HOMER1: variants seen among roughly 807,000 people sequenced by gnomAD.
HOMER1 encodes homer scaffold protein 1.
HOMER1 carries 3 observed loss-of-function variants against 48.9 expected under a neutral mutation model. The observed-to-expected ratio is 0.06, with a 90% CI of 0.03 to 0.16. HOMER1 has a LOEUF of 0.16. Among genes scored for constraint, HOMER1 ranks in the 10% least tolerant of loss-of-function variants. The probability of loss-of-function intolerance (pLI) is 1.00; values close to 1 mark genes in which losing one functional copy is unlikely to be tolerated. For missense variants in HOMER1, 247 were observed against 411.4 expected (o/e 0.60, Z 3.46); for synonymous variants, 134 against 146.4 (o/e 0.92, Z 0.61).
chr5:79,505,765 G>A (rs1470690328), intron 1 of HOMER1, among the ~76,000 whole-genome samples: 2 of 152,028 alleles, frequency 1.3e-5, no homozygotes, highest in Admixed American at 6.6e-5. Flanking sequence ...GTTTTGGGGG[G>A]TTTTATAAAC....
At chr5:79,419,151 A>G (rs1260118778) in intron 5 of HOMER1, among the ~76,000 whole-genome samples, 1 of 152,200 alleles carries the variant, frequency 6.6e-6, no homozygotes, top group African/African-American at 2.4e-5. Context: ...ATAGACATCT[A>G]TCATTAATAC....
At chr5:79,479,387 G>A (rs1751882675) in intron 1 of HOMER1, among the ~76,000 whole-genome samples, 1 of 152,162 alleles carries the variant, frequency 6.6e-6, no homozygotes, top group African/African-American at 2.4e-5. Context: ...TGGATTAGCC[G>A]AGTGGGCCCC....
At chr5:79,495,195 C>T (rs1003357978) in intron 1 of HOMER1, among the ~76,000 whole-genome samples, 1 of 152,080 alleles carries the variant, frequency 6.6e-6, no homozygotes, top group Non-Finnish European at 1.5e-5. Context: ...AGGAAGAGTA[C>T]AATCCTCTTA....
chr5:79,481,424 C>T (rs74402369), intron 1 of HOMER1, among the ~76,000 whole-genome samples: 6,524 of 152,252 alleles, frequency 0.043, 230 homozygotes, highest in South Asian at 0.085. Flanking sequence ...CTGGAGAGAG[C>T]TCCAGACCAC....
chr5:79,420,060 C>G (rs1269391080), intron 5 of HOMER1, among the ~76,000 whole-genome samples: 1 of 152,100 alleles, frequency 6.6e-6, no homozygotes, highest in Non-Finnish European at 1.5e-5. Flanking sequence ...AGTATTGTGA[C>G]GGTCATGTAC....
intron 3 of HOMER1, among the ~76,000 whole-genome samples, chr5:79,449,664 G>T (rs1416601432): frequency 6.6e-6 from 1 of 152,016 alleles, no homozygotes; most frequent in Non-Finnish European, 1.5e-5. Flanking sequence ...TAGTAGAAAC[G>T]GGGTTTTGCC....
intron 2 of HOMER1, among the ~76,000 whole-genome samples, chr5:79,453,803 C>CA (rs373550466): frequency 2.5e-3 from 374 of 152,216 alleles, no homozygotes; most frequent in African/African-American, 8.6e-3. Flanking sequence ...CTAGGCAGGG[C>CA]ACCTAAGGGG....
intron 5 of HOMER1, among the ~76,000 whole-genome samples, chr5:79,432,638 G>A (rs1750456299): frequency 6.6e-6 from 1 of 151,914 alleles, no homozygotes; most frequent in African/African-American, 2.4e-5. Flanking sequence ...GAGAATGAAG[G>A]TCAGTTCTTA....
chr5:79,443,419 C>A (rs1408509596), intron 4 of HOMER1, among the ~76,000 whole-genome samples: 1 of 152,164 alleles, frequency 6.6e-6, no homozygotes, highest in Non-Finnish European at 1.5e-5. Flanking sequence ...ATCAGACAGT[C>A]TGGGAGTGGA....
chr5:79,427,691 CTTCCT>C (rs1196456577), intron 5 of HOMER1, among the ~76,000 whole-genome samples: 1 of 85,762 alleles, frequency 1.2e-5, no homozygotes. Flanking sequence ...CCTTCCCTTC[CTTCCT>C]TTCCTTCCTT....
rs150727824 is a variant in HOMER1, at chr5:79,410,674, C to A, written c.528-8619G>T. 4.2e-3 allele frequency among the ~76,000 whole-genome samples: 632 copies of A among 151,600 alleles called. 4 individuals carry two copies. The highest frequency in any genetic ancestry group is 0.014 in the African/African-American group (558 of 41,290). The stretch of plus-strand genomic sequence containing the variant: ...TAATAAATTCCAAACACCCATACCT[C>A]TCAATAGTTTGCACATTAATTTTGA... On this transcript the variant is annotated intron_variant, in intron 5 of 8. Transcript: ENST00000334082.
intron 1 of HOMER1, among the ~76,000 whole-genome samples, chr5:79,506,974 G>A (rs572999281): frequency 1.7e-3 from 261 of 152,028 alleles, no homozygotes; most frequent in African/African-American, 4.7e-3. Flanking sequence ...AGCACTTTGG[G>A]AGGCCGAGGC....
At chr5:79,489,317 A>G (rs1752206243) in intron 1 of HOMER1, among the ~76,000 whole-genome samples, 1 of 152,210 alleles carries the variant, frequency 6.6e-6, no homozygotes, top group Non-Finnish European at 1.5e-5. Flanking sequence ...CTATTTCTAA[A>G]GGAAAGAAGA....
intron 8 of HOMER1, among the ~76,000 whole-genome samples, chr5:79,382,800 C>T (rs746726243): frequency 2.2e-4 from 34 of 152,006 alleles, no homozygotes; most frequent in Non-Finnish European, 3.2e-4. Context: ...ATCACAATGA[C>T]GAACAATAGG....
At chr5:79,462,884 G>A (rs1335782266) in intron 1 of HOMER1, among the ~76,000 whole-genome samples, 1 of 152,192 alleles carries the variant, frequency 6.6e-6, no homozygotes. Flanking sequence ...GAAAGGAAGA[G>A]AAATTGTACA....
At chr5:79,400,722 T>TA (rs112333151) in intron 6 of HOMER1, among the ~76,000 whole-genome samples, 38,120 of 123,006 alleles carry the variant, frequency 0.31, 5,978 homozygotes, top group African/African-American at 0.51. Context: ...TGCCTTGAAT[T>TA]AAAAAAAAAA....
intron 1 of HOMER1, among the ~76,000 whole-genome samples, chr5:79,482,319 G>A (rs1751971917): frequency 6.6e-6 from 1 of 152,052 alleles, no homozygotes; most frequent in Non-Finnish European, 1.5e-5. Flanking sequence ...CCCATAATGA[G>A]CAGGAAATTC....
intron 5 of HOMER1, among the ~76,000 whole-genome samples, chr5:79,404,941 T>C (rs1180170828): frequency 6.6e-6 from 1 of 151,486 alleles, no homozygotes; most frequent in East Asian, 1.9e-4. Context: ...ACTCCTGACC[T>C]CAGGTGATCC....
At chr5:79,377,059 A>C (rs1748790152) in intron 8 of HOMER1, among the ~76,000 whole-genome samples, 1 of 152,068 alleles carries the variant, frequency 6.6e-6, no homozygotes, top group South Asian at 2.1e-4. Flanking sequence ...TCCGCCTCCC[A>C]GGTTCAAGCC....
Sources: allele counts gnomAD v4.1 joint callset (sites outside exome capture counted in the v4.1 genomes callset), GRCh38; gene constraint gnomAD v4.1.1; transcripts MANE v1.5; gene names NCBI Gene and HGNC (gene_info 2026-07-23, HGNC 2026-07-21).